The following PIBF1 variants were observed in gnomAD, a reference collection of about 807,000 sequenced individuals.
PIBF1 encodes progesterone immunomodulatory binding factor 1.
Under a neutral mutation model 112.5 loss-of-function variants are expected in PIBF1, and 90 were observed. The observed-to-expected ratio is 0.80, with a 90% CI of 0.67 to 0.95. PIBF1 has a LOEUF of 0.95. Ranked by LOEUF, PIBF1 falls within the 40% of genes least tolerant of loss-of-function variation. The probability of loss-of-function intolerance (pLI) is 0.00; values close to 1 mark genes in which losing one functional copy is unlikely to be tolerated. For synonymous variants in PIBF1, 301 were observed against 288.6 expected (o/e 1.04, Z -0.44); for missense variants, 915 against 852.3 (o/e 1.07, Z -0.92).
At chr13:72,952,121 G>C (rs1594259216) in intron 14 of PIBF1, among the ~76,000 whole-genome samples, 2 of 141,228 alleles carry the variant, frequency 1.4e-5, no homozygotes, top group South Asian at 4.3e-4. Context: ...TGCAACCTCT[G>C]TCTCCTCAGT....
chr13:73,001,821 A>C lies in PIBF1; in HGVS notation c.2223+2826A>C, dbSNP rs192833457. 9.9e-5 allele frequency among the ~76,000 whole-genome samples: 15 copies of C among 151,874 alleles called. 1 individual carries two copies. The East Asian group carries it at 2.9e-3, about 29-fold the overall frequency. ...GTATTTTCAGTAGAGGCAAGGTTTC[A>C]CCATGTTGGTCAGGCTGGTCTCAAA... On this transcript the variant is annotated intron_variant, in intron 17 of 17. Transcript: ENST00000326291.
At chr13:72,956,986 A>G (rs552901140) in intron 14 of PIBF1, among the ~76,000 whole-genome samples, 4 of 152,344 alleles carry the variant, frequency 2.6e-5, no homozygotes, top group African/African-American at 9.6e-5. Context: ...TCCTGCAAGA[A>G]TGGCGTAATG....
chr13:72,972,312 A>G (rs1284213104), intron 15 of PIBF1, among the ~76,000 whole-genome samples: 1 of 152,090 alleles, frequency 6.6e-6, no homozygotes, highest in East Asian at 1.9e-4. Flanking sequence ...GATTACAGGC[A>G]TGAGCCAGTG....
intron 10 of PIBF1, chr13:72,881,241 CCTAAAGACTCCACCAAAAAA>C (rs1484564318): frequency 6.6e-6 from 1 of 151,900 alleles, no homozygotes; most frequent in African/African-American, 2.4e-5. Flanking sequence ...ATTTGGAAAA[CCTAAAGACTCCACCAAAAAA>C]CTATTAGAAT....
intron 5 of PIBF1, among the ~76,000 whole-genome samples, chr13:72,820,653 T>C (rs1269381579): frequency 6.6e-6 from 1 of 152,178 alleles, no homozygotes. Context: ...GTATCTGTAG[T>C]GCCTAATCCG....
chr13:72,850,408 CCTTAACATAGTA>C (rs1269590333), intron 9 of PIBF1, among the ~76,000 whole-genome samples: 1 of 152,198 alleles, frequency 6.6e-6, no homozygotes, highest in African/African-American at 2.4e-5. Flanking sequence ...TTTGTTTATG[CCTTAACATAGTA>C]CTTAACATAG....
chr13:72,843,696 GC>G (rs1272875396), intron 9 of PIBF1, among the ~76,000 whole-genome samples: 1 of 152,176 alleles, frequency 6.6e-6, no homozygotes, highest in Admixed American at 6.5e-5. Context: ...ACAGGCATGA[GC>G]CACCGCGCCT....
At chr13:72,923,198 C>T (rs1365109833) in intron 13 of PIBF1, among the ~76,000 whole-genome samples, 1 of 152,194 alleles carries the variant, frequency 6.6e-6, no homozygotes, top group African/African-American at 2.4e-5. Flanking sequence ...GTCAATCCTC[C>T]ATTGTGCTTT....
intron 15 of PIBF1, among the ~76,000 whole-genome samples, chr13:72,968,759 C>T (rs2042816264): frequency 6.6e-6 from 1 of 151,890 alleles, no homozygotes; most frequent in Non-Finnish European, 1.5e-5. Flanking sequence ...TTGCACAGTA[C>T]AGCCAGTTTC....
chr13:72,878,635 A>G (rs999065917), intron 10 of PIBF1, among the ~76,000 whole-genome samples: 2 of 152,194 alleles, frequency 1.3e-5, no homozygotes, highest in Admixed American at 6.5e-5. Context: ...AATTGTGATT[A>G]TAACCTGTTG....
chr13:73,014,750 G>A (rs953539294), intron 17 of PIBF1, among the ~76,000 whole-genome samples: 4 of 96,340 alleles, frequency 4.2e-5, no homozygotes, highest in African/African-American at 1.2e-4. Context: ...GAGTGTAGTG[G>A]CATGATCACA....
intron 10 of PIBF1, among the ~76,000 whole-genome samples, chr13:72,861,242 G>A (rs149783244): frequency 5.5e-4 from 84 of 151,954 alleles, no homozygotes; most frequent in African/African-American, 2.0e-3. Flanking sequence ...AGACCAGCCT[G>A]GGCAACATAG....
chr13:72,886,143 C>G (rs1276433447), intron 10 of PIBF1, among the ~76,000 whole-genome samples: 1 of 152,082 alleles, frequency 6.6e-6, no homozygotes, highest in Non-Finnish European at 1.5e-5. Flanking sequence ...CTCCATCGTG[C>G]TACTATTAAT....
intron 16 of PIBF1, among the ~76,000 whole-genome samples, chr13:72,995,060 G>T (rs2043604995): frequency 6.6e-6 from 1 of 152,124 alleles, no homozygotes; most frequent in Admixed American, 6.5e-5. Context: ...CCAGCATTTT[G>T]GGAGGCTGAG....
chr13:72,830,626 A>C (rs138013207), intron 8 of PIBF1, among the ~76,000 whole-genome samples: 1 of 152,158 alleles, frequency 6.6e-6, no homozygotes, highest in Admixed American at 6.5e-5. Context: ...TATGAAGCCA[A>C]CTTGATCATG....
chr13:72,890,569 T>C (rs1048059639), intron 10 of PIBF1, among the ~76,000 whole-genome samples: 3 of 152,058 alleles, frequency 2.0e-5, no homozygotes, highest in African/African-American at 7.2e-5. Flanking sequence ...GGGGATGAGA[T>C]GGTTGTGAGA....
At chr13:72,914,032 G>A (rs2040994689) in intron 12 of PIBF1, among the ~76,000 whole-genome samples, 3 of 152,082 alleles carry the variant, frequency 2.0e-5, no homozygotes, top group Admixed American at 2.0e-4. Context: ...TCAAAGAAGT[G>A]AGCACAGACT....
chr13:72,954,293 A>C (rs1000757885), intron 14 of PIBF1, among the ~76,000 whole-genome samples: 2 of 152,232 alleles, frequency 1.3e-5, no homozygotes, highest in African/African-American at 4.8e-5. Context: ...CCAGCGATAG[A>C]AACCAGGCTT....
At chr13:72,887,225 AATAGGT>A (rs2039894626) in intron 10 of PIBF1, among the ~76,000 whole-genome samples, 1 of 151,956 alleles carries the variant, frequency 6.6e-6, no homozygotes, top group African/African-American at 2.4e-5. Context: ...TTGGTAGAAC[AATAGGT>A]AGCAGTAATG....
Sources: allele counts gnomAD v4.1 joint callset (sites outside exome capture counted in the v4.1 genomes callset), GRCh38; gene constraint gnomAD v4.1.1; transcripts MANE v1.5; gene names NCBI Gene and HGNC (gene_info 2026-07-23, HGNC 2026-07-21).